SDCCAG8: variants seen among roughly 807,000 people sequenced by gnomAD.
SDCCAG8 encodes the protein serologically defined colon cancer antigen 8.
A neutral mutation model predicts 101.8 loss-of-function variants in SDCCAG8; 74 were observed. The observed-to-expected ratio is 0.73, with a 90% CI of 0.60 to 0.88. The LOEUF is 0.88. SDCCAG8 is among the 40% of genes least tolerant of loss of function. The probability of loss-of-function intolerance (pLI) is 0.00; values close to 1 mark genes in which losing one functional copy is unlikely to be tolerated. For synonymous variants in SDCCAG8, 281 were observed against 292.9 expected, an observed-to-expected ratio of 0.96 and a Z score of 0.41; for missense variants, 787 against 822.6, an observed-to-expected ratio of 0.96 and a Z score of 0.53.
At chr1:243,281,797 A>C (rs540852220) in intron 4 of SDCCAG8, among the ~76,000 whole-genome samples, 1 of 151,244 alleles carries the variant, frequency 6.6e-6, no homozygotes, top group South Asian at 2.1e-4. Context: ...GACATGCACC[A>C]CTATGCCTGG....
At chr1:243,413,763 A>G (rs1466252644) in intron 13 of SDCCAG8, among the ~76,000 whole-genome samples, 1 of 152,188 alleles carries the variant, frequency 6.6e-6, no homozygotes, top group African/African-American at 2.4e-5. Context: ...CTGCCCCGGC[A>G]GGGGGTCTGA....
intron 12 of SDCCAG8, among the ~76,000 whole-genome samples, chr1:243,372,954 C>CTATATCTATATCTATATCTATCTA (rs1558373524): frequency 7.6e-6 from 1 of 131,732 alleles, no homozygotes; most frequent in Non-Finnish European, 1.6e-5. Context: ...CTATATCTAT[C>CTATATCTATATCTATATCTATCTA]TATATATATA....
intron 12 of SDCCAG8, among the ~76,000 whole-genome samples, chr1:243,354,250 G>T (rs1025553990): frequency 3.3e-5 from 5 of 152,134 alleles, no homozygotes; most frequent in African/African-American, 1.2e-4. Context: ...TCTTAATTGT[G>T]AATTAAATAT....
chr1:243,481,609 A>G (rs1010591030), intron 16 of SDCCAG8, among the ~76,000 whole-genome samples: 4 of 152,172 alleles, frequency 2.6e-5, no homozygotes, highest in East Asian at 3.8e-4. Context: ...TGTTGTTTGA[A>G]AAATGTTCTT....
Position 243,426,511 on chromosome 1 carries a change from G to A in SDCCAG8, c.1938G>A (p.Glu646=), listed in dbSNP as rs1343790344. The A allele has an allele frequency of 1.2e-6, 2 of 1,613,874 alleles. No individual in the cohort carries two copies. The highest frequency in any genetic ancestry group is 1.3e-5 in the African/African-American group (1 of 74,934). Residue 646 remains glutamate, a synonymous_variant, in exon 16 of 18, where the codon GAG becomes GAA. Coordinates refer to ENST00000366541, the MANE Select transcript of SDCCAG8 (RefSeq NM_006642.5). ...GKLQRRNEEL[E]EQCVQHGRVH... ...TACAGAGAAGAAATGAAGAATTGGA[G>A]GAACAGTGTGTCCAGCATGGGAGAG...
intron 12 of SDCCAG8, among the ~76,000 whole-genome samples, chr1:243,363,749 T>A (rs2076847441): frequency 6.6e-6 from 1 of 152,198 alleles, no homozygotes; most frequent in Non-Finnish European, 1.5e-5. Context: ...TATCACAGCA[T>A]ATAAATTCAG....
At chr1:243,316,506 C>T (rs1216533626) in intron 8 of SDCCAG8, among the ~76,000 whole-genome samples, 1 of 152,196 alleles carries the variant, frequency 6.6e-6, no homozygotes, top group Admixed American at 6.5e-5. Flanking sequence ...CTGCAGCCCT[C>T]TCCACAATAG....
At chr1:243,358,076 G>GA (rs1237534270) in intron 12 of SDCCAG8, among the ~76,000 whole-genome samples, 12 of 151,160 alleles carry the variant, frequency 7.9e-5, no homozygotes, top group African/African-American at 1.9e-4. Context: ...AAGAACAATA[G>GA]AAAAAAAATA....
intron 16 of SDCCAG8, among the ~76,000 whole-genome samples, chr1:243,479,078 T>C (rs560697359): frequency 2.0e-5 from 3 of 152,172 alleles, no homozygotes; most frequent in East Asian, 3.9e-4. Context: ...GTTCACGAGA[T>C]GGAATTATGT....
At chr1:243,319,051 C>T (rs2073518288) in intron 9 of SDCCAG8, among the ~76,000 whole-genome samples, 1 of 152,096 alleles carries the variant, frequency 6.6e-6, no homozygotes, top group Admixed American at 6.5e-5. Flanking sequence ...ACTCTGACAG[C>T]AGGCAGAGGG....
intron 13 of SDCCAG8, among the ~76,000 whole-genome samples, chr1:243,410,514 T>C (rs991709494): frequency 6.6e-6 from 1 of 152,170 alleles, no homozygotes; most frequent in Non-Finnish European, 1.5e-5. Flanking sequence ...AAACACCTTT[T>C]AGCCAAAAGA....
At chr1:243,325,748 A>G (rs1355574187) in intron 9 of SDCCAG8, among the ~76,000 whole-genome samples, 2 of 152,210 alleles carry the variant, frequency 1.3e-5, no homozygotes, top group African/African-American at 4.8e-5. Context: ...CAATTGAGTG[A>G]TAAGAACCAA....
At position 243,286,331 on chromosome 1, in the gene SDCCAG8, C is replaced by T. The variant is rs371348715; in HGVS notation, c.480C>T (p.Leu160=). 31 of 1,613,922 alleles carry T rather than the reference C, an allele frequency of 1.9e-5. No individual in the cohort carries two copies. Among genetic ancestry groups the T allele is most frequent in the Non-Finnish European group, 2.3e-5 (27 of 1,179,838 alleles). Residue 160 remains leucine, a synonymous_variant, in exon 5 of 18, where the codon CTC becomes CTT. Coordinates refer to ENST00000366541, the MANE Select transcript of SDCCAG8 (RefSeq NM_006642.5). Reference sequence around the variant, plus strand: ...TAGTTGTGCTTGAAAACGAAGGGCTCCAGCAACAGCTAAAATCTCAAAGAC... The same window carrying T: ...TAGTTGTGCTTGAAAACGAAGGGCTTCAGCAACAGCTAAAATCTCAAAGAC... ...IQVVVLENEG[L]QQQLKSQRQE...
At chr1:243,319,889 G>C (rs767630887) in intron 9 of SDCCAG8, among the ~76,000 whole-genome samples, 1 of 152,084 alleles carries the variant, frequency 6.6e-6, no homozygotes, top group Non-Finnish European at 1.5e-5. Context: ...TAGGGCCTTT[G>C]CTCTTCTTTC....
At chr1:243,464,665 G>A (rs975627062) in intron 16 of SDCCAG8, among the ~76,000 whole-genome samples, 5 of 152,064 alleles carry the variant, frequency 3.3e-5, no homozygotes, top group Admixed American at 2.0e-4. Flanking sequence ...TCAAGCCTTC[G>A]CAGACTAACT....
intron 13 of SDCCAG8, among the ~76,000 whole-genome samples, chr1:243,406,214 C>T (rs2079776520): frequency 6.6e-6 from 1 of 152,042 alleles, no homozygotes; most frequent in African/African-American, 2.4e-5. Context: ...AAATCATGAT[C>T]GAATTTATTT....
chr1:243,480,579 T>A (rs1574300450), intron 16 of SDCCAG8, among the ~76,000 whole-genome samples: 1 of 62,956 alleles, frequency 1.6e-5, no homozygotes, highest in Non-Finnish European at 3.0e-5. Flanking sequence ...GATGGGTGGG[T>A]GGGATGGATG....
intron 16 of SDCCAG8, among the ~76,000 whole-genome samples, chr1:243,466,371 C>A (rs1236480431): frequency 1.3e-5 from 2 of 152,120 alleles, no homozygotes; most frequent in African/African-American, 4.8e-5. Flanking sequence ...GGCCTCATAC[C>A]CTTTCCTACT....
rs151102437 is a variant in SDCCAG8 at position 243,487,364 on chromosome 1, G to A, written c.1986-1650G>A. ...GCTGCCTCAGCCCCAGCGTGATGGG[G>A]ACGGGTAGGGGCCGATGAGGCTTCC... On this transcript the variant is annotated intron_variant, in intron 16 of 17. Transcript: ENST00000366541. 4.9e-4 allele frequency among the ~76,000 whole-genome samples: 75 copies of A among 152,368 alleles called. 2 individuals carry two copies. Among genetic ancestry groups the A allele is most frequent in the African/African-American group, 1.7e-3 (70 of 41,588 alleles).
Sources: gnomAD v4.1 joint callset for allele counts (sites outside exome capture counted in the v4.1 genomes callset) on GRCh38, gnomAD v4.1.1 for gene constraint, MANE v1.5 for transcripts, NCBI Gene and HGNC (gene_info 2026-07-23, HGNC 2026-07-21) for gene names.